IGF2BP3: variants seen among roughly 807,000 people sequenced by gnomAD.
The protein encoded by IGF2BP3 is insulin-like growth factor 2 mRNA-binding protein 3.
IGF2BP3 carries 9 observed loss-of-function variants against 73.8 expected under a neutral mutation model. That is an observed-to-expected ratio of 0.12 (90% CI 0.07 to 0.21). The LOEUF is 0.21. Among genes scored for constraint, IGF2BP3 ranks in the 10% least tolerant of loss-of-function variants. IGF2BP3 has a pLI of 1.00. For missense variants in IGF2BP3, 542 were observed against 714.0 expected (o/e 0.76, Z 2.75); for synonymous variants, 258 against 256.7 (o/e 1.01, Z -0.05).
At chr7:23,376,171 A>G (rs552821604) in intron 3 of IGF2BP3, among the ~76,000 whole-genome samples, 5 of 152,338 alleles carry the variant, frequency 3.3e-5, no homozygotes, top group Admixed American at 6.5e-5. Flanking sequence ...ACATCAACAT[A>G]CAGCACTAAC....
At chr7:23,351,036 C>T (rs1159078205) in intron 6 of IGF2BP3, among the ~76,000 whole-genome samples, 1 of 152,088 alleles carries the variant, frequency 6.6e-6, no homozygotes, top group Non-Finnish European at 1.5e-5. Flanking sequence ...TTCTGTCTTC[C>T]AGAGCTTCCC....
Position 23,402,761 on chromosome 7 carries a change from A to T in IGF2BP3, c.285+16015T>A, listed in dbSNP as rs956232316. ...TGGCTGACTTTAAAATTTCATTGTA[A>T]TAATTTATTTTCATTGTGTTTTACA... On this transcript the variant is annotated intron_variant, in intron 3 of 14. Coordinates refer to ENST00000258729, the MANE Select transcript of IGF2BP3 (RefSeq NM_006547.3). The T allele has an allele frequency of 3.9e-5, 6 of 152,244 alleles. No individual in the cohort carries two copies. In the South Asian group the frequency reaches 6.2e-4, roughly 16 times the overall value. 9.4% of individuals were successfully genotyped at this position (152,244 alleles called of 1,614,324 possible). A position where few individuals can be genotyped will look rare whatever the true frequency, so the allele number is the denominator to read the frequency against.
chr7:23,383,615 G>C (rs1209642584), intron 3 of IGF2BP3, among the ~76,000 whole-genome samples: 4 of 152,140 alleles, frequency 2.6e-5, no homozygotes, highest in African/African-American at 9.7e-5. Context: ...ATGTGACTCT[G>C]CAAGTGAACT....
intron 2 of IGF2BP3, among the ~76,000 whole-genome samples, chr7:23,424,097 G>A (rs539706056): frequency 1.4e-3 from 210 of 152,182 alleles, no homozygotes; most frequent in African/African-American, 4.5e-3. Context: ...CAGCCTAGGC[G>A]ACAGAGTGAG....
chr7:23,401,746 C>T (rs899426469), intron 3 of IGF2BP3, among the ~76,000 whole-genome samples: 1 of 143,240 alleles, frequency 7.0e-6, no homozygotes, highest in Non-Finnish European at 1.5e-5. Flanking sequence ...GCCTGGGTTA[C>T]AGAACGAGAC....
chr7:23,423,423 T>G (rs776750253), intron 2 of IGF2BP3, among the ~76,000 whole-genome samples: 2 of 152,248 alleles, frequency 1.3e-5, no homozygotes, highest in Non-Finnish European at 2.9e-5. Flanking sequence ...AAGGTATTCA[T>G]ATTTTAATAG....
intron 10 of IGF2BP3, among the ~76,000 whole-genome samples, chr7:23,341,230 T>A (rs929539247): frequency 6.6e-6 from 1 of 152,146 alleles, no homozygotes; most frequent in Non-Finnish European, 1.5e-5. Flanking sequence ...ACAATATAAT[T>A]GTGCACAAAA....
intron 2 of IGF2BP3, among the ~76,000 whole-genome samples, chr7:23,430,861 T>C (rs577018855): frequency 1.6e-4 from 24 of 152,292 alleles, no homozygotes; most frequent in African/African-American, 5.8e-4. Flanking sequence ...TAGCTGTCTG[T>C]AAATAGGGAG....
chr7:23,361,019 G>A (rs892381841), intron 5 of IGF2BP3, among the ~76,000 whole-genome samples: 15 of 152,144 alleles, frequency 9.9e-5, no homozygotes, highest in Middle Eastern at 3.2e-3. Flanking sequence ...CCTGTTTACT[G>A]CACTGGAATA....
intron 5 of IGF2BP3, among the ~76,000 whole-genome samples, chr7:23,357,833 G>C (rs1785132948): frequency 6.6e-6 from 1 of 152,174 alleles, no homozygotes; most frequent in Non-Finnish European, 1.5e-5. Context: ...GTTAAGTTCT[G>C]TCTTAAAGAT....
chr7:23,347,281 AG>A (rs1784852118), intron 7 of IGF2BP3, among the ~76,000 whole-genome samples: 1 of 152,172 alleles, frequency 6.6e-6, no homozygotes, highest in Non-Finnish European at 1.5e-5. Flanking sequence ...CTCCGAGTAA[AG>A]GATGAGTCAA....
chr7:23,340,092 G>T (rs186966946), intron 10 of IGF2BP3, among the ~76,000 whole-genome samples: 3 of 152,280 alleles, frequency 2.0e-5, no homozygotes, highest in Admixed American at 2.0e-4. Context: ...GACCTTCAGT[G>T]ACACAAAATT....
intron 2 of IGF2BP3, among the ~76,000 whole-genome samples, chr7:23,436,319 T>C (rs1787807644): frequency 6.6e-6 from 1 of 152,220 alleles, no homozygotes; most frequent in Non-Finnish European, 1.5e-5. Flanking sequence ...GCTGAAGAAT[T>C]AGGAATGTAA....
intron 6 of IGF2BP3, among the ~76,000 whole-genome samples, chr7:23,349,285 C>T (rs1784903924): frequency 6.6e-6 from 1 of 152,072 alleles, no homozygotes; most frequent in Admixed American, 6.5e-5. Flanking sequence ...CCAATAAAAT[C>T]AAGATTTGGC....
At chr7:23,381,142 T>C (rs1323931100) in intron 3 of IGF2BP3, among the ~76,000 whole-genome samples, 1 of 152,210 alleles carries the variant, frequency 6.6e-6, no homozygotes, top group Non-Finnish European at 1.5e-5. Flanking sequence ...AAATCCCTCC[T>C]CCCAGAAGTC....
chr7:23,463,771 T>A (rs528281415), intron 2 of IGF2BP3, among the ~76,000 whole-genome samples: 240 of 152,348 alleles, frequency 1.6e-3, no homozygotes, highest in African/African-American at 5.1e-3. Flanking sequence ...CTAATTTTTT[T>A]AAACTCTTAT....
At chr7:23,356,875 C>G (rs1305080229) in intron 5 of IGF2BP3, among the ~76,000 whole-genome samples, 1 of 152,032 alleles carries the variant, frequency 6.6e-6, no homozygotes, top group Non-Finnish European at 1.5e-5. Flanking sequence ...TGGGCAAATA[C>G]CCTAGATGAC....
chr7:23,351,160 G>A, intron 6 of IGF2BP3, 145 bp downstream of exon 6: 1 of 796,220 alleles, frequency 1.3e-6, no homozygotes, highest in Non-Finnish European at 2.0e-6. Flanking sequence ...CCAAGATACT[G>A]CAAGATTTTT....
At chr7:23,367,188 G>C (rs1166861850) in intron 3 of IGF2BP3, among the ~76,000 whole-genome samples, 1 of 151,974 alleles carries the variant, frequency 6.6e-6, no homozygotes, top group African/African-American at 2.4e-5. Flanking sequence ...ATGTTGGCCA[G>C]GCTAGTCCCG....
Sources: gnomAD v4.1 joint callset for allele counts (sites outside exome capture counted in the v4.1 genomes callset) on GRCh38, gnomAD v4.1.1 for gene constraint, MANE v1.5 for transcripts, NCBI Gene and HGNC (gene_info 2026-07-23, HGNC 2026-07-21) for gene names.